The following BPIFB1 variants were observed in gnomAD, a reference collection of about 807,000 sequenced individuals.
BPIFB1 encodes the protein BPI fold-containing family B member 1.
Under a neutral mutation model 55.1 loss-of-function variants are expected in BPIFB1, and 34 were observed. That is an observed-to-expected ratio of 0.62 (90% CI 0.47 to 0.82). The LOEUF (loss-of-function observed/expected upper bound fraction) is 0.82, where lower values mean the gene tolerates loss of function less well. BPIFB1 is among the 40% of genes least tolerant of loss of function. The pLI, the probability that BPIFB1 is intolerant of heterozygous loss-of-function variation, is 0.00. For synonymous variants in BPIFB1, 236 were observed against 245.3 expected (o/e 0.96, Z 0.35); for missense variants, 532 against 593.1 (o/e 0.90, Z 1.07).
chr20:33,292,057 A>T, intron 6 of BPIFB1, 69 bp downstream of exon 6: 2 of 1,394,320 alleles, frequency 1.4e-6, no homozygotes, highest in Non-Finnish European at 2.0e-6. Flanking sequence ...TGGAACTGCA[A>T]GTTGGTGCTA....
At position 33,286,032 on chromosome 20, in the gene BPIFB1, G is replaced by C; in HGVS notation, c.-41-1G>C. The C allele has an allele frequency of 1.3e-6, 2 of 1,596,898 alleles. No individual in the cohort carries two copies. The highest frequency in any genetic ancestry group is 1.7e-6 in the Non-Finnish European group (2 of 1,164,918). On this transcript the variant is annotated splice_acceptor_variant, in intron 1 of 15. Coordinates refer to ENST00000253354, the MANE Select transcript of BPIFB1 (RefSeq NM_033197.3). LOFTEE classifies it low-confidence loss of function (5UTR_SPLICE). ...CTCAGGTCCCTCTGTGCTCACCCCA[G>C]GTCTGGCATCCTGCACTTGCTGCCC...
In BPIFB1 at chr20:33,309,575, A is replaced by C. The variant is rs536596427; in HGVS notation, c.1396-133A>C. The C allele has an allele frequency of 5.4e-5, 42 of 782,568 alleles. No individual in the cohort carries two copies. In the African/African-American group the frequency reaches 6.9e-4, roughly 13 times the overall value. The allele number at this position is 782,568 out of a possible 1,614,324, so 48.5% of individuals were successfully genotyped here. A position where few individuals can be genotyped will look rare whatever the true frequency, so the allele number is the denominator to read the frequency against. ...GACCCTCCACCCCGACCCTTCTAAG[A>C]ATTCTGTATTTGTGGGTTCAGGGTC... is the stretch of plus-strand genomic sequence containing the variant. On this transcript the variant is annotated intron_variant, in intron 15 of 15. Coordinates refer to ENST00000253354, the MANE Select transcript of BPIFB1 (RefSeq NM_033197.3). This position sits in a 1 kb window ranked among gnomAD's most constrained non-coding sequence, Gnocchi z 4.4.
At chr20:33,289,827 T>C in intron 3 of BPIFB1, 58 bp from the exon 4 acceptor site, 1 of 1,485,652 alleles carries the variant, frequency 6.7e-7, no homozygotes, top group Middle Eastern at 1.7e-4. Context: ...AGAGAGGGAG[T>C]GGATTTGGGA....
intron 14 of BPIFB1, 55 bp downstream of exon 14, chr20:33,306,120 C>A: frequency 6.3e-7 from 1 of 1,586,492 alleles, no homozygotes; most frequent in African/African-American, 1.3e-5. Context: ...GCTTTACTTC[C>A]CCTGCCCTCA....
intron 11 of BPIFB1, 116 bp downstream of exon 11, chr20:33,303,190 C>A: frequency 7.5e-7 from 1 of 1,330,644 alleles, no homozygotes. Flanking sequence ...TTAGCAGGGA[C>A]AGGGGACAGG....
Position 33,303,051 on chromosome 20 carries a change from C to T in BPIFB1, c.1117C>T (p.Arg373Cys), listed in dbSNP as rs1340556429. Residue 373 changes from arginine to cysteine, a missense_variant, in exon 11 of 16, where the codon CGC (arginine) becomes TGC (cysteine). Arg to Cys is a radical substitution (Grantham distance 180, BLOSUM62 -3). Coordinates refer to ENST00000253354, the MANE Select transcript of BPIFB1 (RefSeq NM_033197.3). ...LEVFPSSEAL[R>C]PLFTLGIEAS... is the part of the protein sequence containing the mutation. ...AGTGTTTCCCTCCAGTGAAGCCCTC[C>T]GCCCTTTGTTCACCCTGGGCATCGT... 3.1e-6 allele frequency: 5 copies of T among 1,613,850 alleles called. No homozygotes were observed. Among genetic ancestry groups the T allele is most frequent in the East Asian group, 2.2e-5 (1 of 44,902 alleles).
At chr20:33,300,720 G>A (rs1197617817) in intron 8 of BPIFB1, among the ~76,000 whole-genome samples, 1 of 152,126 alleles carries the variant, frequency 6.6e-6, no homozygotes, top group African/African-American at 2.4e-5. Flanking sequence ...CTGAGTAGCT[G>A]GGACTGCAGG....
rs1980254452 is a variant in BPIFB1, at chr20:33,286,019, T to C, written c.-41-14T>C. On this transcript the variant is annotated splice_polypyrimidine_tract_variant and intron_variant, in intron 1 of 15. Coordinates refer to ENST00000253354, the MANE Select transcript of BPIFB1 (RefSeq NM_033197.3). ...TTGGCCCCTCTGCCTCAGGTCCCTC[T>C]GTGCTCACCCCAGGTCTGGCATCCT... 1.9e-6 allele frequency: 3 copies of C among 1,565,310 alleles called. No homozygotes were observed. In the East Asian group the frequency reaches 6.7e-5, roughly 35 times the overall value.
At chr20:33,290,172 A>G (rs983128061) in intron 4 of BPIFB1, among the ~76,000 whole-genome samples, 180 bp downstream of exon 4, 7 of 152,200 alleles carry the variant, frequency 4.6e-5, no homozygotes, top group Non-Finnish European at 1.0e-4. Flanking sequence ...AGACAGGGGA[A>G]AGAGAGAGGG....
At chr20:33,306,853 C>A (rs1450659377) in intron 14 of BPIFB1, 58 bp from the exon 15 acceptor site, 35 of 1,470,868 alleles carry the variant, frequency 2.4e-5, no homozygotes, top group Non-Finnish European at 2.8e-5. Context: ...TGAGCCTGCC[C>A]CTGGCTGCCC....
At chr20:33,308,305 A>G (rs1320100388) in intron 15 of BPIFB1, among the ~76,000 whole-genome samples, 1 of 152,194 alleles carries the variant, frequency 6.6e-6, no homozygotes, top group African/African-American at 2.4e-5. Flanking sequence ...ACACAGATCT[A>G]AACCATATCA....
At chr20:33,308,464 G>A (rs113429491) in intron 15 of BPIFB1, among the ~76,000 whole-genome samples, 266 of 144,082 alleles carry the variant, frequency 1.8e-3, no homozygotes, top group Middle Eastern at 4.0e-3. Context: ...ACACACACAC[G>A]CACACCTTTA....
chr20:33,299,801 C>G, intron 7 of BPIFB1, 98 bp from the exon 8 acceptor site: 1 of 842,500 alleles, frequency 1.2e-6, no homozygotes, highest in South Asian at 1.4e-5. Flanking sequence ...ACCTGCCCCC[C>G]CATGCAACAG....
chr20:33,307,896 A>C (rs368302471), intron 15 of BPIFB1: 12 of 152,170 alleles, frequency 7.9e-5, no homozygotes, highest in African/African-American at 2.7e-4. Flanking sequence ...CCTGGGCAAC[A>C]AGAGTGAAAT....
chr20:33,283,800 G>A (rs1235435537), intron 1 of BPIFB1, among the ~76,000 whole-genome samples: 2 of 152,088 alleles, frequency 1.3e-5, no homozygotes, highest in Non-Finnish European at 2.9e-5. Context: ...CATATGACAG[G>A]GGCGTGTGTG....
At chr20:33,308,993 T>C (rs1439750410) in intron 15 of BPIFB1, among the ~76,000 whole-genome samples, 1 of 151,822 alleles carries the variant, frequency 6.6e-6, no homozygotes, top group Non-Finnish European at 1.5e-5. Flanking sequence ...ACACACCATG[T>C]GGCCAGATGG....
chr20:33,299,834 C>T (rs1980788115), intron 7 of BPIFB1, 65 bp from the exon 8 acceptor site: 3 of 1,289,286 alleles, frequency 2.3e-6, no homozygotes, highest in East Asian at 2.4e-5. Flanking sequence ...TGGAAGCAGC[C>T]CCCCAACTTC....
At chr20:33,301,870 C>T (rs1302033925) in intron 9 of BPIFB1, among the ~76,000 whole-genome samples, 1 of 152,144 alleles carries the variant, frequency 6.6e-6, no homozygotes, top group Admixed American at 6.5e-5. Context: ...CAGCCGATAA[C>T]CACCACCAGT....
rs1472952725 is a variant in BPIFB1 at position 33,290,812 on chromosome 20, T to G, written c.366-145T>G. ...TCTGAAAACTGAGCCTGGGACATGC[T>G]GGGGTGAAGTTGGGTGAAGATGAGG... On this transcript the variant is annotated intron_variant, in intron 4 of 15. Coordinates refer to ENST00000253354, the MANE Select transcript of BPIFB1 (RefSeq NM_033197.3). The G allele has an allele frequency of 4.7e-6, 4 of 843,718 alleles. No individual in the cohort carries two copies. The African/African-American group carries it at 6.8e-5, about 14-fold the overall frequency. 52.3% of individuals were successfully genotyped at this position (843,718 alleles called of 1,614,324 possible).
Sources: allele counts gnomAD v4.1 joint callset (sites outside exome capture counted in the v4.1 genomes callset), GRCh38; gene constraint gnomAD v4.1.1; non-coding constraint Gnocchi (gnomAD v3.1); transcripts MANE v1.5; gene names NCBI Gene and HGNC (gene_info 2026-07-23, HGNC 2026-07-21).